The following COL11A1 variants were observed in gnomAD, a reference collection of about 807,000 sequenced individuals.
COL11A1 encodes the protein collagen alpha-1(XI) chain.
A neutral mutation model predicts 265.2 loss-of-function variants in COL11A1; 74 were observed. The observed-to-expected ratio is 0.28, with a 90% CI of 0.23 to 0.34. The LOEUF is 0.34. Among genes scored for constraint, COL11A1 ranks in the 10% least tolerant of loss-of-function variants. The probability of loss-of-function intolerance (pLI) is 1.00; values close to 1 mark genes in which losing one functional copy is unlikely to be tolerated. For synonymous variants in COL11A1, 816 were observed against 727.6 expected, an observed-to-expected ratio of 1.12 and a Z score of -1.96; for missense variants, 2,165 against 2,263.6, an observed-to-expected ratio of 0.96 and a Z score of 0.88.
At chr1:103,026,393 G>A (rs1667522215) in intron 5 of COL11A1, 61 bp from the exon 6 acceptor site, 1 of 1,042,426 alleles carries the variant, frequency 9.6e-7, no homozygotes, top group African/African-American at 1.6e-5. Context: ...TATTCACAAA[G>A]TGAGAACCAT....
chr1:102,883,015 G>A (rs937447857), intron 64 of COL11A1, among the ~76,000 whole-genome samples, 184 bp downstream of exon 64: 8 of 152,128 alleles, frequency 5.3e-5, no homozygotes, highest in African/African-American at 1.9e-4. Context: ...AAGAAGAGAA[G>A]TATTTGTTAA....
chr1:102,919,380 T>A (rs986989792), intron 49 of COL11A1, among the ~76,000 whole-genome samples: 12 of 151,594 alleles, frequency 7.9e-5, no homozygotes, highest in African/African-American at 2.9e-4. Context: ...GAGAATTAAA[T>A]GCTTTAATTA....
chr1:102,984,013 T>C (rs1292600097), intron 31 of COL11A1, 125 bp downstream of exon 31: 1 of 713,616 alleles, frequency 1.4e-6, no homozygotes, highest in African/African-American at 1.8e-5. Context: ...TCTATGATTT[T>C]CCTTGTGAAA....
chr1:102,900,952 T>A (rs1653110395), intron 54 of COL11A1, among the ~76,000 whole-genome samples: 1 of 151,344 alleles, frequency 6.6e-6, no homozygotes, highest in African/African-American at 2.4e-5. Context: ...CCTGAGAGAG[T>A]AGTAAGTCAA....
chr1:102,940,862 A>G (rs1356519159), intron 42 of COL11A1, among the ~76,000 whole-genome samples: 1 of 152,136 alleles, frequency 6.6e-6, no homozygotes, highest in Non-Finnish European at 1.5e-5. Context: ...TTTCATATGT[A>G]ACTTTCTTAT....
intron 3 of COL11A1, 47 bp from the exon 4 acceptor site, chr1:103,074,827 T>G (rs1395637527): frequency 3.1e-6 from 5 of 1,600,352 alleles, no homozygotes; most frequent in Non-Finnish European, 4.3e-6. Context: ...GAAACAGTGG[T>G]TGCCAAAGCA....
intron 1 of COL11A1, among the ~76,000 whole-genome samples, chr1:103,087,207 A>G (rs72987856): frequency 0.022 from 3,383 of 152,330 alleles, 115 homozygotes; most frequent in African/African-American, 0.077. Flanking sequence ...TGTGTATGCA[A>G]TTCAGATGTA....
intron 15 of COL11A1, 112 bp downstream of exon 15, chr1:103,008,351 T>C: frequency 6.2e-6 from 5 of 809,594 alleles, no homozygotes; most frequent in African/African-American, 1.7e-5. Context: ...CATACATCAA[T>C]GGAATACTAC....
chr1:103,057,205 T>C (rs1284134323), intron 4 of COL11A1, among the ~76,000 whole-genome samples: 1 of 152,294 alleles, frequency 6.6e-6, no homozygotes, highest in Admixed American at 6.5e-5. Context: ...TCCTTTGATG[T>C]CATTTAACAA....
chr1:103,106,496 TAAAC>T (rs1674700959), intron 1 of COL11A1, among the ~76,000 whole-genome samples: 4 of 152,062 alleles, frequency 2.6e-5, no homozygotes, highest in African/African-American at 7.2e-5. Context: ...TTCTAAATAA[TAAAC>T]AAAACCAGCA....
chr1:103,027,097 C>T (rs981253134), intron 5 of COL11A1, among the ~76,000 whole-genome samples: 3 of 151,310 alleles, frequency 2.0e-5, no homozygotes, highest in Admixed American at 1.3e-4. Context: ...TCTTAAAATA[C>T]TTATAATAAA....
At chr1:103,012,586 C>T in intron 13 of COL11A1, 117 bp from the exon 14 acceptor site, 1 of 770,154 alleles carries the variant, frequency 1.3e-6, no homozygotes, top group Non-Finnish European at 2.3e-6. Context: ...GATTTAATAA[C>T]TACATGCTAG....
At chr1:103,002,668 T>C in intron 22 of COL11A1, 79 bp downstream of exon 22, 1 of 1,288,700 alleles carries the variant, frequency 7.8e-7, no homozygotes, top group East Asian at 2.3e-5. Context: ...AATCATTATA[T>C]TTTAGATTTA....
Position 102,914,828 on chromosome 1 carries a change from A to T in COL11A1, c.3817-17T>A. 6.4e-7 allele frequency: 1 copy of T among 1,563,634 alleles called. No individual in the cohort carries two copies. Among genetic ancestry groups the T allele is most frequent in the Non-Finnish European group, 8.8e-7 (1 of 1,142,822 alleles). ...TTTGGGACCCTAAACAATGTTAAAA[A>T]AAAAAAAAGAAGAAGAAGGAAAGAA... On this transcript the variant is annotated splice_polypyrimidine_tract_variant and intron_variant, in intron 50 of 66. Transcript: ENST00000370096.
At chr1:102,881,603 T>A in intron 65 of COL11A1, 94 bp downstream of exon 65, 1 of 1,014,888 alleles carries the variant, frequency 9.9e-7, no homozygotes, top group Non-Finnish European at 1.5e-6. Flanking sequence ...TTTAGCATAA[T>A]TTAGACTTTC....
chr1:102,893,134 G>A (rs1277693202), intron 57 of COL11A1, among the ~76,000 whole-genome samples: 1 of 152,068 alleles, frequency 6.6e-6, no homozygotes, highest in African/African-American at 2.4e-5. Flanking sequence ...ATTAGTTTTA[G>A]ATATGCTACA....
At chr1:102,890,550 T>C (rs757707390) in intron 57 of COL11A1, 46 bp from the exon 58 acceptor site, 17 of 1,524,778 alleles carry the variant, frequency 1.1e-5, no homozygotes, top group Middle Eastern at 1.7e-4. Flanking sequence ...ACAGAGTAGG[T>C]ATGAATTAGA....
intron 4 of COL11A1, among the ~76,000 whole-genome samples, chr1:103,051,033 G>T (rs1384310499): frequency 6.6e-6 from 1 of 152,200 alleles, no homozygotes; most frequent in Non-Finnish European, 1.5e-5. Context: ...CTCCCAGTTA[G>T]GCTACTCGGG....
intron 24 of COL11A1, 126 bp from the exon 25 acceptor site, chr1:102,998,489 A>G: frequency 1.8e-6 from 1 of 556,884 alleles, no homozygotes; most frequent in Non-Finnish European, 3.0e-6. Context: ...ATAACCATTT[A>G]AATAACTTTT....
Sources: allele counts gnomAD v4.1 joint callset (sites outside exome capture counted in the v4.1 genomes callset), GRCh38; gene constraint gnomAD v4.1.1; transcripts MANE v1.5; gene names NCBI Gene and HGNC (gene_info 2026-07-23, HGNC 2026-07-21).